HERC1: variants seen among roughly 807,000 people sequenced by gnomAD.
The protein encoded by HERC1 is probable E3 ubiquitin-protein ligase HERC1.
Under a neutral mutation model 554.3 loss-of-function variants are expected in HERC1, and 160 were observed. The ratio of observed to expected loss-of-function variants is 0.29; its 90% confidence interval spans 0.25 to 0.33. The LOEUF (loss-of-function observed/expected upper bound fraction) is 0.33, where lower values mean the gene tolerates loss of function less well. Among genes scored for constraint, HERC1 ranks in the 10% least tolerant of loss-of-function variants. The pLI is 1.00. For synonymous variants in HERC1, 2,175 were observed against 2,131.7 expected (o/e 1.02, Z -0.56); for missense variants, 4,919 against 5,918.5 (o/e 0.83, Z 5.54).
chr15:63,721,443 T>C (rs551657482), intron 19 of HERC1, among the ~76,000 whole-genome samples: 2 of 152,112 alleles, frequency 1.3e-5, no homozygotes, highest in East Asian at 1.9e-4. Flanking sequence ...GGAGAATCGT[T>C]TGAACTCGGA....
At chr15:63,711,252 G>C (rs553111285) in intron 24 of HERC1, among the ~76,000 whole-genome samples, 1 of 152,164 alleles carries the variant, frequency 6.6e-6, no homozygotes, top group Non-Finnish European at 1.5e-5. Flanking sequence ...TTGAGCTCAG[G>C]AGTTCGAGGC....
At chr15:63,829,095 G>T (rs1373863272) in intron 1 of HERC1, among the ~76,000 whole-genome samples, 1 of 152,084 alleles carries the variant, frequency 6.6e-6, no homozygotes, top group East Asian at 1.9e-4. Context: ...ATTAGAATAG[G>T]TGTCAATATG....
At chr15:63,708,279 T>C (rs1020732488) in intron 24 of HERC1, among the ~76,000 whole-genome samples, 9 of 152,208 alleles carry the variant, frequency 5.9e-5, no homozygotes, top group Non-Finnish European at 1.3e-4. Flanking sequence ...TGAACAATTT[T>C]GTTTTTTATC....
At chr15:63,829,585 ATATATATAT>A (rs1567172194) in intron 1 of HERC1, among the ~76,000 whole-genome samples, 28 of 140,518 alleles carry the variant, frequency 2.0e-4, no homozygotes, top group African/African-American at 7.4e-4. Flanking sequence ...ATATATATAT[ATATATATAT>A]AATATACTGA....
intron 1 of HERC1, among the ~76,000 whole-genome samples, chr15:63,786,807 T>C (rs960044296): frequency 6.6e-6 from 1 of 152,098 alleles, no homozygotes; most frequent in East Asian, 1.9e-4. Context: ...TGAAAATGTT[T>C]TGGAACTAGA....
chr15:63,654,779 G>A (rs958796803), intron 50 of HERC1, among the ~76,000 whole-genome samples: 1 of 151,608 alleles, frequency 6.6e-6, no homozygotes, highest in African/African-American at 2.4e-5. Context: ...TGAGGCAGGA[G>A]AATTGCTTCA....
At position 63,680,496 on chromosome 15, in the gene HERC1, G is replaced by T; in HGVS notation, c.6465+41C>A. ...TGAATAACCGAGTTGACTATAAATAGAAACAAGAAAAATGTAATGCTTGTG... is the reference window on the plus strand; with the variant it reads ...TGAATAACCGAGTTGACTATAAATATAAACAAGAAAAATGTAATGCTTGTG... On this transcript the variant is annotated intron_variant, in intron 35 of 77. Coordinates refer to ENST00000443617, the MANE Select transcript of HERC1 (RefSeq NM_003922.4). This position sits in a 1 kb window ranked among gnomAD's most constrained non-coding sequence, Gnocchi z 5.8. 2 of 1,600,484 alleles carry T rather than the reference G, an allele frequency of 1.2e-6. No individual in the cohort carries two copies. Among genetic ancestry groups the T allele is most frequent in the Non-Finnish European group, 1.7e-6 (2 of 1,173,392 alleles).
chr15:63,716,386 G>A lies in HERC1; in HGVS notation c.4066C>T (p.Gln1356Ter). 1 of 1,613,770 alleles carries A rather than the reference G, an allele frequency of 6.2e-7. No homozygotes were observed. Among genetic ancestry groups the A allele is most frequent in the Non-Finnish European group, 8.5e-7 (1 of 1,179,788 alleles). The change falls in exon 22 of 78, where the codon CAG becomes TAG. Residue 1356 changes from glutamine (Q) to a stop codon, truncating the protein, a stop_gained. Coordinates refer to ENST00000443617, the MANE Select transcript of HERC1 (RefSeq NM_003922.4). LOFTEE classifies it high-confidence loss of function. ...TIDEEAEMEE[Q>*]AERDREEGHP... ...CCCTCTTCCCGGTCTCTCTCAGCCT[G>A]TTCTTCCATTTCAGCTTCTTCATCA...
chr15:63,768,684 T>C (rs972793470), intron 2 of HERC1, among the ~76,000 whole-genome samples: 4 of 152,024 alleles, frequency 2.6e-5, no homozygotes, highest in African/African-American at 4.8e-5. Flanking sequence ...TTTATGCCTT[T>C]CTACAGTATG....
chr15:63,665,476 A>G (rs1481439331), intron 42 of HERC1, among the ~76,000 whole-genome samples: 2 of 152,192 alleles, frequency 1.3e-5, no homozygotes, highest in Admixed American at 6.5e-5. Flanking sequence ...AGGTTGCTGC[A>G]GTGAGCCGAT....
At chr15:63,628,953 CTTTT>C (rs35700814) in intron 69 of HERC1, 138 bp from the exon 70 acceptor site, 268 of 529,522 alleles carry the variant, frequency 5.1e-4, no homozygotes, top group Non-Finnish European at 5.8e-4. Flanking sequence ...AAAACACATT[CTTTT>C]TTTTTTTTTT....
rs560551366 is a variant in HERC1 at position 63,737,454 on chromosome 15, GAT to G, written c.2521-2607_2521-2606del. On this transcript the variant is annotated intron_variant, in intron 12 of 77. Transcript: ENST00000443617. ...TATATATATATATATCTTTTTTCCA[GAT>G]ATATATATATATATCTTTTTTCCAG... 1.8e-3 allele frequency among the ~76,000 whole-genome samples: 121 copies of G among 68,026 alleles called. 3 individuals carry two copies. The highest frequency in any genetic ancestry group is 6.4e-3 in the African/African-American group (99 of 15,468). 44.6% of individuals were successfully genotyped at this position (68,026 alleles called of 152,430 possible).
At chr15:63,702,082 C>T (rs1355994310) in intron 25 of HERC1, among the ~76,000 whole-genome samples, 3 of 152,024 alleles carry the variant, frequency 2.0e-5, no homozygotes, top group Admixed American at 6.5e-5. Context: ...GCAATACATA[C>T]TTTATAAACC....
intron 48 of HERC1, 53 bp downstream of exon 48, chr15:63,658,491 C>T: frequency 6.7e-7 from 1 of 1,495,624 alleles, no homozygotes; most frequent in Non-Finnish European, 9.1e-7. Context: ...AGACTTCCAG[C>T]TAATGTACAC....
At chr15:63,804,352 G>A (rs1404519029) in intron 1 of HERC1, among the ~76,000 whole-genome samples, 3 of 152,178 alleles carry the variant, frequency 2.0e-5, no homozygotes, top group African/African-American at 7.2e-5. Context: ...TTGGGAGGCT[G>A]AGGCTGGTGG....
chr15:63,699,885 G>A (rs2072626401), intron 25 of HERC1, among the ~76,000 whole-genome samples: 1 of 151,954 alleles, frequency 6.6e-6, no homozygotes, highest in Non-Finnish European at 1.5e-5. Flanking sequence ...TAATTTAACT[G>A]GTCTCAGATA....
At chr15:63,787,479 A>G (rs755490831) in intron 1 of HERC1, among the ~76,000 whole-genome samples, 1 of 152,192 alleles carries the variant, frequency 6.6e-6, no homozygotes, top group Admixed American at 6.5e-5. Context: ...AAATTAAAAA[A>G]ATATATCTGG....
chr15:63,773,421 G>A (rs928201167), intron 2 of HERC1, among the ~76,000 whole-genome samples: 17 of 142,576 alleles, frequency 1.2e-4, no homozygotes, highest in African/African-American at 3.6e-4. Context: ...TCCCGCCTGG[G>A]TGACAAGAGC....
intron 7 of HERC1, 25 bp downstream of exon 7, chr15:63,754,480 T>C: frequency 6.5e-7 from 1 of 1,541,746 alleles, no homozygotes; most frequent in South Asian, 1.3e-5. Flanking sequence ...AAGCCAAAGC[T>C]ACTGATAAAT....
Sources: allele counts gnomAD v4.1 joint callset (sites outside exome capture counted in the v4.1 genomes callset), GRCh38; gene constraint gnomAD v4.1.1; non-coding constraint Gnocchi (gnomAD v3.1); transcripts MANE v1.5; gene names NCBI Gene and HGNC (gene_info 2026-07-23, HGNC 2026-07-21).